Variants in NEIL1 observed in about 807,000 individuals in gnomAD.
The protein encoded by NEIL1 is endonuclease 8-like 1.
A neutral mutation model predicts 44.2 loss-of-function variants in NEIL1; 31 were observed. The observed-to-expected ratio is 0.70, with a 90% CI of 0.53 to 0.95. The LOEUF (loss-of-function observed/expected upper bound fraction) is 0.95, where lower values mean the gene tolerates loss of function less well. Ranked by LOEUF, NEIL1 falls within the 40% of genes least tolerant of loss-of-function variation. The pLI, the probability that NEIL1 is intolerant of heterozygous loss-of-function variation, is 0.00. For missense variants in NEIL1, 549 were observed against 515.5 expected (o/e 1.07, Z -0.63); for synonymous variants, 254 against 209.7 (o/e 1.21, Z -1.83).
Position 75,349,117 on chromosome 15 carries a change from A to G in NEIL1, c.212A>G (p.Glu71Gly), listed in dbSNP as rs1282878513. Residue 71 changes from glutamate to glycine, a missense_variant, in exon 2 of 10, where the codon GAG becomes GGG. By Grantham distance (98) the Glu-to-Gly change is moderately conservative (BLOSUM62 -2). Transcript: ENST00000355059. ...SPLPGAQPQQ[E>G]PLALVFRFGM... ...CTGCCTGGGGCCCAGCCCCAACAGG[A>G]GCCACTGGCCCTGGTCTTCCGCTTC... 2 of 1,611,778 alleles carry G rather than the reference A, an allele frequency of 1.2e-6. No individual in the cohort carries two copies. The highest frequency in any genetic ancestry group is 2.2e-5 in the East Asian group (1 of 44,882).
rs1386517098 is a variant in NEIL1 at position 75,352,352 on chromosome 15, C to T, written c.583C>T (p.Arg195Cys). The change falls in exon 4 of 10, where the codon CGC becomes TGC. Residue 195 changes from arginine (R) to cysteine (C), a missense_variant. By Grantham distance (180) the Arg-to-Cys change is radical. Transcript: ENST00000355059. The stretch of plus-strand genomic sequence containing the variant: ...GAAGATCCCCCCCTTTGAGAAGGCC[C>T]GCTCGGTCCTGGAGGCCCTGCAGCA... ...RLKIPPFEKA[R>C]SVLEALQQHR... The T allele has an allele frequency of 7.4e-6, 12 of 1,614,000 alleles. No homozygotes were observed. Among genetic ancestry groups the T allele is most frequent in the East Asian group, 2.2e-5 (1 of 44,892 alleles).
chr15:75,357,092 GAATA>G lies in NEIL1; in HGVS notation c.*2064_*2067del, dbSNP rs1414406157. 5 of 595,976 alleles carry G rather than the reference GAATA, an allele frequency of 8.4e-6. No homozygotes were observed. The highest frequency in any genetic ancestry group is 1.5e-5 in the Non-Finnish European group (5 of 333,550). 36.9% of individuals were successfully genotyped at this position (595,976 alleles called of 1,614,324 possible). On this transcript the variant is annotated 3_prime_UTR_variant, in exon 10 of 10. Coordinates refer to ENST00000355059, the MANE Select transcript of NEIL1 (RefSeq NM_024608.4). ...CTCAGTTTCCTTATCTGTGAAACGG[GAATA>G]AATAATAGTACTCACCCCATCGAAT...
rs369832470 is a variant in NEIL1 at position 75,356,866 on chromosome 15, C to T, written c.*1832C>T. ...TCGTTGAGCAGGGCCAGCCCAAAGC[C>T]GTGTTCTGACAGATCCATCCAGCGA... is the stretch of plus-strand genomic sequence containing the variant. On this transcript the variant is annotated 3_prime_UTR_variant, in exon 10 of 10. Transcript: ENST00000355059. This position sits in a 1 kb window ranked among gnomAD's most constrained non-coding sequence, Gnocchi z 5.8. The T allele has an allele frequency of 5.6e-5, 90 of 1,614,138 alleles. 1 individual carries two copies. The Middle Eastern group carries it at 8.2e-4, about 15-fold the overall frequency.
At position 75,356,900 on chromosome 15, in the gene NEIL1, C is replaced by T. The variant is rs1383463254; in HGVS notation, c.*1866C>T. The T allele has an allele frequency of 6.2e-7, 1 of 1,613,756 alleles. No individual in the cohort carries two copies. On this transcript the variant is annotated 3_prime_UTR_variant, in exon 10 of 10. Transcript: ENST00000355059. The surrounding 1 kb of genome is among the most constrained non-coding windows in gnomAD (Gnocchi z 5.8). ...ACAGATCCATCCAGCGATGGGCCCACACCTGGAGGGCAGATCCAAGACCCA... is the reference window on the plus strand; with the variant it reads ...ACAGATCCATCCAGCGATGGGCCCATACCTGGAGGGCAGATCCAAGACCCA...
In NEIL1 at chr15:75,351,274, C is replaced by CTTTTTT. The variant is rs11422837; in HGVS notation, c.435-823_435-818dup. 6.4e-4 allele frequency: 231 copies of CTTTTTT among 361,632 alleles called. 4 individuals are homozygous for CTTTTTT. In the East Asian group the frequency reaches 7.5e-3, roughly 12 times the overall value. The allele number at this position is 361,632 out of a possible 1,614,324, so 22.4% of individuals were successfully genotyped here. On this transcript the variant is annotated intron_variant, in intron 2 of 9. Transcript: ENST00000355059. ...CAACCTCATATACAACCTCATGTTGCTTTTTTTTTTTTTTTTTTTGAGACA... is the reference window on the plus strand; with the variant it reads ...CAACCTCATATACAACCTCATGTTGCTTTTTTTTTTTTTTTTTTTTTTTTTGAGACA...
chr15:75,349,631 T>A (rs1299594292), intron 2 of NEIL1: 1 of 400,770 alleles, frequency 2.5e-6, no homozygotes, highest in East Asian at 4.4e-5. Context: ...CTGGCCAGTA[T>A]GGTGAAACCC....
At chr15:75,353,649 AG>A (rs1471213364) in intron 5 of NEIL1, 89 bp from the exon 6 acceptor site, 1 of 1,356,038 alleles carries the variant, frequency 7.4e-7, no homozygotes, top group Non-Finnish European at 1.1e-6. Flanking sequence ...CAGCTTGTGT[AG>A]CTGAGGTCTG....
Position 75,354,769 on chromosome 15 carries a change from T to TC in NEIL1, c.1056dup (p.Thr353HisfsTer26), listed in dbSNP as rs1267923968. ...CCAGCCTCCAGCAGGACCCAGAAGC[T>TC]CCCACAGTGCCCAAGAAGGGGAGGA... On this transcript the variant is annotated frameshift_variant, in exon 9 of 10. Coordinates refer to ENST00000355059, the MANE Select transcript of NEIL1 (RefSeq NM_024608.4). LOFTEE classifies it low-confidence loss of function (END_TRUNC). 2 of 1,613,850 alleles carry TC rather than the reference T, an allele frequency of 1.2e-6. No homozygotes were observed. Among genetic ancestry groups the TC allele is most frequent in the Non-Finnish European group, 1.7e-6 (2 of 1,179,994 alleles).
chr15:75,349,154 C>G lies in NEIL1; in HGVS notation c.249C>G (p.Gly83=). The G allele has an allele frequency of 6.2e-7, 1 of 1,609,758 alleles. No individual in the cohort carries two copies. The highest frequency in any genetic ancestry group is 8.5e-7 in the Non-Finnish European group (1 of 1,179,912). ...LALVFRFGMS[G]SFQLVPREEL... is the part of the protein sequence containing the mutation. Reference sequence around the variant, plus strand: ...TGGTCTTCCGCTTCGGCATGTCCGGCTCTTTTCAGCTGGTGCCCCGCGAGG... The same window carrying G: ...TGGTCTTCCGCTTCGGCATGTCCGGGTCTTTTCAGCTGGTGCCCCGCGAGG... Residue 83 remains glycine, a synonymous_variant, in exon 2 of 10, where the codon GGC becomes GGG. Transcript: ENST00000355059.
chr15:75,350,662 T>C (rs562825962), intron 2 of NEIL1, among the ~76,000 whole-genome samples: 114 of 152,272 alleles, frequency 7.5e-4, no homozygotes, highest in Non-Finnish European at 1.5e-3. Context: ...ACTCCTGGCC[T>C]TCCCCTGTGT....
At position 75,355,848 on chromosome 15, in the gene NEIL1, G is replaced by A; in HGVS notation, c.*814G>A. On this transcript the variant is annotated 3_prime_UTR_variant, in exon 10 of 10. Transcript: ENST00000355059. The stretch of plus-strand genomic sequence containing the variant: ...AGACTGATCCCTGCTTTAGGCTGGG[G>A]AAGCAGAAATTAGGAGTCCCCAGAG... 1.9e-6 allele frequency: 3 copies of A among 1,601,048 alleles called. No individual in the cohort carries two copies. The highest frequency in any genetic ancestry group is 2.6e-6 in the Non-Finnish European group (3 of 1,171,518).
chr15:75,352,006 C>A (rs1284190116), intron 2 of NEIL1, 105 bp from the exon 3 acceptor site: 2 of 1,056,248 alleles, frequency 1.9e-6, no homozygotes, highest in Non-Finnish European at 2.9e-6. Context: ...AACTGTAACT[C>A]CCAGTTTCCT....
Position 75,352,247 on chromosome 15 carries a change from G to T in NEIL1, c.554+17G>T. 1 of 1,614,182 alleles carries T rather than the reference G, an allele frequency of 6.2e-7. No individual in the cohort carries two copies. On this transcript the variant is annotated intron_variant, in intron 3 of 9. Transcript: ENST00000355059. ...CCTGTACCGGTCAGCAAGCAGGCATGGGCATGGGGACTGCGGTGGGCCAGG... is the reference window on the plus strand; with the variant it reads ...CCTGTACCGGTCAGCAAGCAGGCATTGGCATGGGGACTGCGGTGGGCCAGG...
chr15:75,356,195 AGCGGC>A lies in NEIL1; in HGVS notation c.*1164_*1168del. On this transcript the variant is annotated 3_prime_UTR_variant, in exon 10 of 10. Transcript: ENST00000355059. The surrounding 1 kb of genome is among the most constrained non-coding windows in gnomAD (Gnocchi z 5.8). ...GCCTCATACAGCCTCAGGACCAGCG[AGCGGC>A]GCTGGGGGCTGCTCTCCGCCTGCAG... 6.2e-7 allele frequency: 1 copy of A among 1,613,382 alleles called. No individual in the cohort carries two copies. The highest frequency in any genetic ancestry group is 1.7e-5 in the Admixed American group (1 of 59,996).
At chr15:75,352,578 G>GT in intron 4 of NEIL1, 24 bp from the exon 5 acceptor site, 1 of 1,606,244 alleles carries the variant, frequency 6.2e-7, no homozygotes. Flanking sequence ...TGACAGACAG[G>GT]TCCTGCCCCT....
rs2071902069 is a variant in NEIL1, at chr15:75,351,681, C to A, written c.435-430C>A. ...CTGTGGCCCAGGCTGGAGTGCAATGCTGCGATCTCAGCTCACTGCAACCTC... is the reference window on the plus strand; with the variant it reads ...CTGTGGCCCAGGCTGGAGTGCAATGATGCGATCTCAGCTCACTGCAACCTC... On this transcript the variant is annotated intron_variant, in intron 2 of 9. Transcript: ENST00000355059. Among the ~76,000 whole-genome samples, 3 of 152,054 alleles carry A rather than the reference C, an allele frequency of 2.0e-5. No individual in the cohort carries two copies. In the South Asian group the frequency reaches 6.2e-4, roughly 32 times the overall value.
Position 75,357,011 on chromosome 15 carries a change from T to C in NEIL1, c.*1977T>C. The stretch of plus-strand genomic sequence containing the variant: ...AGCACAAGCTCTAGAACCACACAAC[T>C]GAACTCCAGCTCCCACTGTACGGGG... On this transcript the variant is annotated 3_prime_UTR_variant, in exon 10 of 10. Transcript: ENST00000355059. 1.2e-6 allele frequency: 1 copy of C among 850,334 alleles called. No homozygotes were observed. The highest frequency in any genetic ancestry group is 1.9e-6 in the Non-Finnish European group (1 of 528,566). The allele number at this position is 850,334 out of a possible 1,614,324, so 52.7% of individuals were successfully genotyped here.
rs1567253308 is a variant in NEIL1, at chr15:75,353,788, T to C, written c.768T>C (p.Phe256=). ...SESGEEDFAA[F]RAWLRCYGMP... Reference sequence around the variant, plus strand: ...GCGGGGAGGAGGACTTTGCTGCCTTTCGAGCCTGGCTGCGCTGCTATGGCA... The same window carrying C: ...GCGGGGAGGAGGACTTTGCTGCCTTCCGAGCCTGGCTGCGCTGCTATGGCA... Residue 256 remains phenylalanine (F), a synonymous_variant, in exon 6 of 10, where the codon TTT becomes TTC. Coordinates refer to ENST00000355059, the MANE Select transcript of NEIL1 (RefSeq NM_024608.4). 6.2e-7 allele frequency: 1 copy of C among 1,614,072 alleles called. No homozygotes were observed. The highest frequency in any genetic ancestry group is 8.5e-7 in the Non-Finnish European group (1 of 1,180,004).
At position 75,347,066 on chromosome 15, in the gene NEIL1, G is replaced by GGCGCTTTCTGATTTCAGAGACTCT. The variant is rs1290723620; in HGVS notation, c.-429_-406dup. On this transcript the variant is annotated 5_prime_UTR_variant, in exon 1 of 10. Coordinates refer to ENST00000355059, the MANE Select transcript of NEIL1 (RefSeq NM_024608.4). ...TCGGGTTTCCTCGTTTTTGCGGACTGGCGCTTTCTGATTTCAGAGACTCTC... is the reference window on the plus strand; with the variant it reads ...TCGGGTTTCCTCGTTTTTGCGGACTGGCGCTTTCTGATTTCAGAGACTCTGCGCTTTCTGATTTCAGAGACTCTC... 2 of 152,240 alleles carry GGCGCTTTCTGATTTCAGAGACTCT rather than the reference G, an allele frequency of 1.3e-5. No homozygotes were observed. Among genetic ancestry groups the GGCGCTTTCTGATTTCAGAGACTCT allele is most frequent in the Non-Finnish European group, 2.9e-5 (2 of 68,044 alleles). 9.4% of individuals were successfully genotyped at this position (152,240 alleles called of 1,614,324 possible). A position where few individuals can be genotyped will look rare whatever the true frequency, so the allele number is the denominator to read the frequency against.
Sources: gnomAD v4.1 joint callset for allele counts (sites outside exome capture counted in the v4.1 genomes callset) on GRCh38, gnomAD v4.1.1 for gene constraint, Gnocchi (gnomAD v3.1) non-coding constraint, MANE v1.5 for transcripts, NCBI Gene and HGNC (gene_info 2026-07-23, HGNC 2026-07-21) for gene names.